The following SPACA6 variants were observed in gnomAD, a reference collection of about 807,000 sequenced individuals.
SPACA6 encodes the protein sperm acrosome associated 6, also known as sperm acrosome membrane-associated protein 6.
For synonymous variants in SPACA6, 6 were observed against 1.5 expected (o/e 4.05, Z -2.21); for missense variants, 8 against 2.8 (o/e 2.88, Z -1.34).
downstream of SPACA6, among the ~76,000 whole-genome samples, chr19:51,712,598 C>A (rs1408978511): frequency 1.3e-5 from 2 of 152,124 alleles, no homozygotes; most frequent in Non-Finnish European, 2.9e-5. Context: ...GTCTGGTGCC[C>A]TGATGGAAGA....
Position 51,704,470 on chromosome 19 carries a change from G to A in SPACA6, c.931G>A (p.Val311Met). 2 of 401,164 alleles carry A rather than the reference G, an allele frequency of 5.0e-6. No individual in the cohort carries two copies. Among genetic ancestry groups the A allele is most frequent in the Non-Finnish European group, 4.4e-6 (1 of 226,196 alleles). The allele number at this position is 401,164 out of a possible 1,614,324, so 24.9% of individuals were successfully genotyped here. ...LGALASASATVLAWMFFRWYC... is the reference protein window; with the variant it reads ...LGALASASATMLAWMFFRWYC... ...GGCCCTCGCATCAGCGAGTGCGACA[G>A]TGTTGGCGTGGTGAGTTCTGGGGAC... Residue 311 changes from valine to methionine, a missense_variant, in exon 8 of 9, where the codon GTG (valine) becomes ATG (methionine). Val to Met is a conservative substitution (Grantham distance 21). Coordinates refer to ENST00000637797, the MANE Select transcript of SPACA6 (RefSeq NM_001316972.2).
chr19:51,709,614 C>CAAA (rs56844884), downstream of SPACA6, among the ~76,000 whole-genome samples: 367 of 93,130 alleles, frequency 3.9e-3, 2 homozygotes, highest in East Asian at 0.024. Flanking sequence ...GACTCTGTCA[C>CAAA]AAAAAAAAAA....
At chr19:51,708,151 C>A (rs756579167), downstream of SPACA6, among the ~76,000 whole-genome samples, 56 of 152,200 alleles carry the variant, frequency 3.7e-4, no homozygotes, top group Non-Finnish European at 6.5e-4. Context: ...TGCTGGTGAC[C>A]AGCGCTCTTC....
intron 2 of SPACA6, among the ~76,000 whole-genome samples, chr19:51,694,819 C>G (rs2083414459): frequency 3.3e-5 from 5 of 152,078 alleles, no homozygotes; most frequent in South Asian, 2.1e-4. Context: ...GTCGGGTAGG[C>G]ATAGGTTCTG....
At chr19:51,689,458 G>A (rs1053060615), upstream of SPACA6, 2 of 152,414 alleles carry the variant, frequency 1.3e-5, no homozygotes, top group Admixed American at 6.5e-5. Flanking sequence ...GGGAGGAAGG[G>A]GAGAGGCCGC....
upstream of SPACA6, chr19:51,685,297 G>A (rs2083323648): frequency 6.6e-6 from 1 of 152,150 alleles, no homozygotes; most frequent in Non-Finnish European, 1.5e-5. Flanking sequence ...GGGTAGCAGA[G>A]ACTGATAAAG....
chr19:51,691,563 A>T (rs1182835872), upstream of SPACA6, among the ~76,000 whole-genome samples: 2 of 151,362 alleles, frequency 1.3e-5, no homozygotes, highest in Non-Finnish European at 2.9e-5. Flanking sequence ...GAGAGGAGAG[A>T]GGCGATGGGC....
chr19:51,689,880 C>G (rs570981293), upstream of SPACA6, among the ~76,000 whole-genome samples: 1 of 151,756 alleles, frequency 6.6e-6, no homozygotes, highest in African/African-American at 2.4e-5. Flanking sequence ...GCTGCCCGAG[C>G]CCTCGGGGGA....
downstream of SPACA6, among the ~76,000 whole-genome samples, chr19:51,710,083 CA>C (rs1294769200): frequency 6.6e-6 from 1 of 151,380 alleles, no homozygotes; most frequent in African/African-American, 2.4e-5. Context: ...GAAAGGGTGT[CA>C]AAAAAAATAA....
upstream of SPACA6, among the ~76,000 whole-genome samples, chr19:51,691,095 C>CCCA (rs2083367648): frequency 2.7e-5 from 1 of 37,232 alleles, no homozygotes; most frequent in Non-Finnish European, 4.1e-5. Context: ...CCTCCCCCTC[C>CCCA]TCAGGTCGCT....
At chr19:51,692,650 C>G (rs774908904), upstream of SPACA6, 1 of 531,834 alleles carries the variant, frequency 1.9e-6, no homozygotes, top group African/African-American at 1.9e-5. The surrounding 1 kb of genome is among the most constrained non-coding windows in gnomAD (Gnocchi z 5.6). Context: ...GGGCCTTCGC[C>G]GCACACAAGC....
chr19:51,690,862 G>A (rs2083364209), upstream of SPACA6, among the ~76,000 whole-genome samples: 1 of 151,830 alleles, frequency 6.6e-6, no homozygotes, highest in Non-Finnish European at 1.5e-5. Flanking sequence ...GGCAGCCCCG[G>A]GGCATGCTGG....
rs1428457928 is a variant in SPACA6, at chr19:51,703,957, C to A, written c.574-73C>A. 3 of 397,982 alleles carry A rather than the reference C, an allele frequency of 7.5e-6. No homozygotes were observed. The highest frequency in any genetic ancestry group is 1.3e-5 in the Non-Finnish European group (3 of 225,974). 24.7% of individuals were successfully genotyped at this position (397,982 alleles called of 1,614,324 possible). A position where few individuals can be genotyped will look rare whatever the true frequency, so the allele number is the denominator to read the frequency against. ...CAGGACTCCAGGGGGCGTGGTCTGG[C>A]TCGGGGGGCGGGGCTTGTAGGTTAC... On this transcript the variant is annotated intron_variant, in intron 6 of 8. Coordinates refer to ENST00000637797, the MANE Select transcript of SPACA6 (RefSeq NM_001316972.2). The surrounding 1 kb of genome is among the most constrained non-coding windows in gnomAD (Gnocchi z 4.2).
chr19:51,702,114 T>C (rs552917793), intron 3 of SPACA6, among the ~76,000 whole-genome samples: 1 of 152,094 alleles, frequency 6.6e-6, no homozygotes, highest in Admixed American at 6.5e-5. Flanking sequence ...TACAATCCCC[T>C]GGCCCCATCT....
exon 3 of SPACA6, chr19:51,712,179 T>A (rs980320690): frequency 2.0e-5 from 3 of 151,188 alleles, no homozygotes; most frequent in South Asian, 2.1e-4. Context: ...GCCTGGCTAA[T>A]TTTTTTTGTA....
chr19:51,692,028 A>T (rs2083378066), upstream of SPACA6, among the ~76,000 whole-genome samples: 1 of 152,012 alleles, frequency 6.6e-6, no homozygotes, highest in Non-Finnish European at 1.5e-5. The surrounding 1 kb of genome is among the most constrained non-coding windows in gnomAD (Gnocchi z 5.6). Context: ...AGGGCCTGGT[A>T]TGGGGTCAGC....
At chr19:51,684,170 T>C (rs2122168909), upstream of SPACA6, among the ~76,000 whole-genome samples, 1 of 152,300 alleles carries the variant, frequency 6.6e-6, no homozygotes, top group South Asian at 2.1e-4. Flanking sequence ...TTGGACATTC[T>C]TGTCAGAGTC....
At chr19:51,705,231 AGGAGG>A (rs2083509824), downstream of SPACA6, 1 of 399,982 alleles carries the variant, frequency 2.5e-6, no homozygotes, top group East Asian at 3.6e-5. Context: ...TAACTCAGGT[AGGAGG>A]AGGTGCAGCA....
chr19:51,699,938 C>A (rs1382549537), intron 2 of SPACA6, among the ~76,000 whole-genome samples: 8 of 152,154 alleles, frequency 5.3e-5, no homozygotes, highest in Non-Finnish European at 5.9e-5. Context: ...CAAACCCATA[C>A]AATTTGGAGG....
Sources: allele counts gnomAD v4.1 joint callset (sites outside exome capture counted in the v4.1 genomes callset), GRCh38; gene constraint gnomAD v4.1.1; non-coding constraint Gnocchi (gnomAD v3.1); transcripts MANE v1.5; gene names NCBI Gene and HGNC (gene_info 2026-07-23, HGNC 2026-07-21).